The following PTPN9 variants were observed in gnomAD, a reference collection of about 807,000 sequenced individuals.
The protein encoded by PTPN9 is tyrosine-protein phosphatase non-receptor type 9.
In PTPN9, 26 loss-of-function variants were observed where a neutral mutation model predicts 69.8. The ratio of observed to expected loss-of-function variants is 0.37; its 90% confidence interval spans 0.27 to 0.52. The LOEUF is 0.52. Among genes scored for constraint, PTPN9 ranks in the 20% least tolerant of loss-of-function variants. The probability of loss-of-function intolerance (pLI) is 0.91; values close to 1 mark genes in which losing one functional copy is unlikely to be tolerated. For missense variants in PTPN9, 549 were observed against 740.3 expected, an observed-to-expected ratio of 0.74 and a Z score of 3.00; for synonymous variants, 274 against 272.5, an observed-to-expected ratio of 1.01 and a Z score of -0.05.
chr15:75,555,706 T>C lies in PTPN9; in HGVS notation c.63+23008A>G, dbSNP rs1050889578. Reference sequence around the variant, plus strand: ...TTTTTGTAGAGATGGGGTTTCGCCATATTGGCCAGGCTGGTCTCGAACTAC... The same window carrying C: ...TTTTTGTAGAGATGGGGTTTCGCCACATTGGCCAGGCTGGTCTCGAACTAC... On this transcript the variant is annotated intron_variant, in intron 1 of 12. Transcript: ENST00000618819. Among the ~76,000 whole-genome samples the C allele has an allele frequency of 1.1e-4, 16 of 151,968 alleles. 1 individual carries two copies. The highest frequency in any genetic ancestry group is 3.9e-4 in the African/African-American group (16 of 41,360).
chr15:75,473,821 T>C (rs1339609864), intron 9 of PTPN9, 54 bp from the exon 10 acceptor site: 1 of 1,407,838 alleles, frequency 7.1e-7, no homozygotes, highest in Middle Eastern at 1.8e-4. Flanking sequence ...CTTTTTTTCT[T>C]TTGTAGGCGC....
In PTPN9 at chr15:75,530,533, A is replaced by ATTATTATATTATAATATAATATATTAT. The variant is rs1567506532; in HGVS notation, c.64-3273_64-3272insATAATATATTATATTATAATATAATAA. 5.9e-4 allele frequency among the ~76,000 whole-genome samples: 29 copies of ATTATTATATTATAATATAATATATTAT among 49,570 alleles called. 2 individuals are homozygous for ATTATTATATTATAATATAATATATTAT. The highest frequency in any genetic ancestry group is 3.6e-3 in the African/African-American group (29 of 7,958). The allele number at this position is 49,570 out of a possible 152,430, so 32.5% of individuals were successfully genotyped here. ...TATATTATAATATAATTTATTATAT[A>ATTATTATATTATAATATAATATATTAT]ATATTATTATATTATAATATATTAT... On this transcript the variant is annotated intron_variant, in intron 1 of 12. Transcript: ENST00000618819.
chr15:75,463,883 CA>C lies in PTPN9; in HGVS notation c.*4885del, dbSNP rs940338834. 3 of 152,254 alleles carry C rather than the reference CA, an allele frequency of 2.0e-5. No individual in the cohort carries two copies. The highest frequency in any genetic ancestry group is 4.4e-5 in the Non-Finnish European group (3 of 68,086). 9.4% of individuals were successfully genotyped at this position (152,254 alleles called of 1,614,324 possible). A position where few individuals can be genotyped will look rare whatever the true frequency, so the allele number is the denominator to read the frequency against. On this transcript the variant is annotated 3_prime_UTR_variant, in exon 13 of 13. Transcript: ENST00000618819. Reference sequence around the variant, plus strand: ...TCCATTCCTGCCCTTGGTAGGCTCACAGTGGTTTGTGGGAGTAACCAAGGCC... The same window carrying C: ...TCCATTCCTGCCCTTGGTAGGCTCACGTGGTTTGTGGGAGTAACCAAGGCC...
chr15:75,530,941 T>C lies in PTPN9; in HGVS notation c.64-3680A>G, dbSNP rs1391217887. Among the ~76,000 whole-genome samples, 3 of 127,134 alleles carry C rather than the reference T, an allele frequency of 2.4e-5. No homozygotes were observed. In the Admixed American group the frequency reaches 3.2e-4, roughly 14 times the overall value. 83.4% of individuals were successfully genotyped at this position (127,134 alleles called of 152,430 possible). A position where few individuals can be genotyped will look rare whatever the true frequency, so the allele number is the denominator to read the frequency against. On this transcript the variant is annotated intron_variant, in intron 1 of 12. Transcript: ENST00000618819. ...ATATTTTTATTATTATAATGTATAT[T>C]TTATATTATATATAATATATATAAG...
rs2075053465 is a variant in PTPN9, at chr15:75,550,728, G to A, written c.64-23467C>T. ...CTTGAACCCGGGAGAAGGTTGCAGTGAGCCAAGATCGCACCACTGCACTCC... is the reference window on the plus strand; with the variant it reads ...CTTGAACCCGGGAGAAGGTTGCAGTAAGCCAAGATCGCACCACTGCACTCC... On this transcript the variant is annotated intron_variant, in intron 1 of 12. Transcript: ENST00000618819. Among the ~76,000 whole-genome samples the A allele has an allele frequency of 2.0e-5, 3 of 152,036 alleles. No individual in the cohort carries two copies. In the South Asian group the frequency reaches 6.2e-4, roughly 31 times the overall value.
chr15:75,518,466 TA>T lies in PTPN9; in HGVS notation c.423-1103del, dbSNP rs111475133. 4.2e-3 allele frequency among the ~76,000 whole-genome samples: 536 copies of T among 128,196 alleles called. 1 individual carries two copies. The highest frequency in any genetic ancestry group is 7.5e-3 in the South Asian group (29 of 3,884). 84.1% of individuals were successfully genotyped at this position (128,196 alleles called of 152,430 possible). A position where few individuals can be genotyped will look rare whatever the true frequency, so the allele number is the denominator to read the frequency against. On this transcript the variant is annotated intron_variant, in intron 4 of 12. Transcript: ENST00000618819. ...AACATGGCAAGACCCTGACTCTATT[TA>T]AAAAAAAAAAAAAAAAGAGGGAAAA...
chr15:75,538,442 A>C (rs1295164191), intron 1 of PTPN9, among the ~76,000 whole-genome samples: 2 of 152,112 alleles, frequency 1.3e-5, no homozygotes, highest in African/African-American at 4.8e-5. Flanking sequence ...CCAATCTATA[A>C]TCCCAGCACT....
intron 8 of PTPN9, among the ~76,000 whole-genome samples, chr15:75,482,543 C>T (rs1232832483): frequency 1.8e-5 from 2 of 113,430 alleles, no homozygotes; most frequent in Non-Finnish European, 3.3e-5. Context: ...CCAGCCTGGG[C>T]GACAGAGCGA....
Position 75,568,365 on chromosome 15 carries a change from T to C in PTPN9, c.63+10349A>G, listed in dbSNP as rs970800859. On this transcript the variant is annotated intron_variant, in intron 1 of 12. Coordinates refer to ENST00000618819, the MANE Select transcript of PTPN9 (RefSeq NM_002833.4). ...AAATAAAAAATCTAACTGGGCATGG[T>C]GGTGTGGTGGTGCACGCTTTTAGTC... 6.0e-5 allele frequency among the ~76,000 whole-genome samples: 9 copies of C among 151,134 alleles called. No homozygotes were observed. The South Asian group carries it at 1.9e-3, about 32-fold the overall frequency.
intron 10 of PTPN9, among the ~76,000 whole-genome samples, chr15:75,473,275 A>T (rs1328074111): frequency 1.3e-5 from 2 of 151,554 alleles, no homozygotes; most frequent in African/African-American, 4.9e-5. Context: ...ATTGAGACAG[A>T]GTCTCGCTCT....
rs747441557 is a variant in PTPN9 at position 75,469,854 on chromosome 15, G to C, written c.1505C>G (p.Ser502Cys). ...SLAVSNMGAR[S>C]KGQCPEPPIV... Reference sequence around the variant, plus strand: ...GGGTGGCTCAGGGCACTGCCCTTTGGAGCGTGCTCCCATGTTGCTCACAGC... The same window carrying C: ...GGGTGGCTCAGGGCACTGCCCTTTGCAGCGTGCTCCCATGTTGCTCACAGC... Residue 502 changes from serine to cysteine, a missense_variant, in exon 12 of 13, where the codon TCC (serine) becomes TGC (cysteine). This residue lies in a region of PTPN9 where 457 missense variants were observed against 661.9 expected (regional missense o/e 0.69). Transcript: ENST00000618819. 6.2e-7 allele frequency: 1 copy of C among 1,613,914 alleles called. No homozygotes were observed. Among genetic ancestry groups the C allele is most frequent in the South Asian group, 1.1e-5 (1 of 91,058 alleles).
In PTPN9 at chr15:75,512,352, C is replaced by G. The variant is rs1208896546; in HGVS notation, c.529-3325G>C. Among the ~76,000 whole-genome samples the G allele has an allele frequency of 7.2e-5, 11 of 152,064 alleles. No homozygotes were observed. In the East Asian group the frequency reaches 1.7e-3, roughly 24 times the overall value. ...GGGTAGCTGGGATGATAGGCACACA[C>G]CACCACATGCAGCTAAATTTTGTAC... On this transcript the variant is annotated intron_variant, in intron 5 of 12. Coordinates refer to ENST00000618819, the MANE Select transcript of PTPN9 (RefSeq NM_002833.4).
chr15:75,569,670 T>G (rs1461416823), intron 1 of PTPN9, among the ~76,000 whole-genome samples: 13 of 122,830 alleles, frequency 1.1e-4, no homozygotes, highest in Admixed American at 3.0e-4. Flanking sequence ...GTGACAAGAG[T>G]GAAACTCCAT....
At chr15:75,470,858 T>C (rs370768184) in intron 10 of PTPN9, 28 bp from the exon 11 acceptor site, 2 of 1,608,788 alleles carry the variant, frequency 1.2e-6, no homozygotes, top group Non-Finnish European at 1.7e-6. Context: ...AAGGTAAGCC[T>C]TCCATCGTTC....
chr15:75,548,888 T>G (rs894223755), intron 1 of PTPN9, among the ~76,000 whole-genome samples: 1 of 150,288 alleles, frequency 6.7e-6, no homozygotes, highest in African/African-American at 2.4e-5. Context: ...CTCCTGACCT[T>G]GTGATCCGCC....
At chr15:75,544,034 TCC>T (rs2075020812) in intron 1 of PTPN9, among the ~76,000 whole-genome samples, 1 of 152,162 alleles carries the variant, frequency 6.6e-6, no homozygotes, top group African/African-American at 2.4e-5. Flanking sequence ...CTGGCATCTC[TCC>T]TCTCAGGTTT....
At chr15:75,539,729 C>T (rs1035053470) in intron 1 of PTPN9, among the ~76,000 whole-genome samples, 3 of 151,496 alleles carry the variant, frequency 2.0e-5, no homozygotes, top group South Asian at 2.1e-4. Context: ...TGGAGTGCAG[C>T]GGTGTGATCT....
At chr15:75,501,223 A>G (rs902854075) in intron 7 of PTPN9, among the ~76,000 whole-genome samples, 10 of 152,134 alleles carry the variant, frequency 6.6e-5, no homozygotes, top group African/African-American at 2.4e-4. Flanking sequence ...AGGAGTTACA[A>G]GAGAGAAGAG....
chr15:75,513,658 T>G (rs1020630590), intron 5 of PTPN9, among the ~76,000 whole-genome samples: 1 of 151,564 alleles, frequency 6.6e-6, no homozygotes, highest in Non-Finnish European at 1.5e-5. Context: ...TCCCAGCTGC[T>G]TGGGAGGCTG....
Sources: allele counts gnomAD v4.1 joint callset (sites outside exome capture counted in the v4.1 genomes callset), GRCh38; gene constraint gnomAD v4.1.1; regional missense constraint gnomAD v4.1.1; transcripts MANE v1.5; gene names NCBI Gene and HGNC (gene_info 2026-07-23, HGNC 2026-07-21).